DHX8: variants seen among roughly 807,000 people sequenced by gnomAD.
DHX8 encodes the protein DEAH-box helicase 8.
In DHX8, 67 loss-of-function variants were observed where a neutral mutation model predicts 140.7. The ratio of observed to expected loss-of-function variants is 0.48; its 90% confidence interval spans 0.39 to 0.58. The LOEUF (loss-of-function observed/expected upper bound fraction) is 0.58, where lower values mean the gene tolerates loss of function less well. Among genes scored for constraint, DHX8 ranks in the 20% least tolerant of loss-of-function variants. The pLI is 0.00. For missense variants in DHX8, 887 were observed against 1,550.7 expected (o/e 0.57, Z 7.19); for synonymous variants, 533 against 553.2 (o/e 0.96, Z 0.51).
chr17:43,514,037 T>A (rs1969987668), intron 17 of DHX8, among the ~76,000 whole-genome samples: 1 of 151,314 alleles, frequency 6.6e-6, no homozygotes, highest in Admixed American at 6.6e-5. Flanking sequence ...GAATAGTATT[T>A]CACTATTAAA....
At chr17:43,516,553 G>A (rs1186137820) in intron 17 of DHX8, among the ~76,000 whole-genome samples, 1 of 152,096 alleles carries the variant, frequency 6.6e-6, no homozygotes, top group African/African-American at 2.4e-5. Context: ...AGGCTCAGGT[G>A]ATCGTCCCAT....
intron 11 of DHX8, among the ~76,000 whole-genome samples, chr17:43,501,153 G>A (rs1471675062): frequency 6.6e-6 from 1 of 152,170 alleles, no homozygotes; most frequent in Non-Finnish European, 1.5e-5. Context: ...ATTATGATCA[G>A]TGCCATGTGA....
downstream of DHX8, among the ~76,000 whole-genome samples, chr17:43,530,635 T>TGA (rs1555557340): frequency 0.013 from 1,892 of 149,832 alleles, 27 homozygotes; most frequent in Non-Finnish European, 0.019. Flanking sequence ...TGTGTGTGTG[T>TGA]GACAGAAACA....
Position 43,507,006 on chromosome 17 carries a change from G to A in DHX8, c.1732G>A (p.Val578Ile), listed in dbSNP as rs201103199. Residue 578 changes from valine (V) to isoleucine (I), a missense_variant, in exon 13 of 23, where the codon GTC becomes ATC. Physicochemically the swap from Val to Ile is conservative, Grantham distance 29. Transcript: ENST00000262415. The part of the protein sequence containing the change: ...YKLKEQLVQA[V>I]HDNQILIVIG... ...ATTTATATTCTGTTGCTTTCAGGCC[G>A]TCCATGACAATCAGATCCTGATTGT... The A allele has an allele frequency of 2.6e-4, 407 of 1,580,080 alleles. No homozygotes were observed. Among genetic ancestry groups the A allele is most frequent in the Admixed American group, 1.1e-3 (58 of 54,418 alleles).
chr17:43,520,484 A>T (rs1428814305), intron 19 of DHX8, among the ~76,000 whole-genome samples: 1 of 152,248 alleles, frequency 6.6e-6, no homozygotes, highest in Non-Finnish European at 1.5e-5. Context: ...AGGATGTATT[A>T]CTGAATGTAG....
chr17:43,530,117 G>T, downstream of DHX8: 1 of 1,583,344 alleles, frequency 6.3e-7, no homozygotes, highest in Non-Finnish European at 8.6e-7. Context: ...CCATGGCCCC[G>T]TCACCTGGAG....
intron 3 of DHX8, among the ~76,000 whole-genome samples, chr17:43,543,380 T>A (rs1469842351): frequency 6.6e-6 from 1 of 151,710 alleles, no homozygotes; most frequent in Non-Finnish European, 1.5e-5. Context: ...GGGTGGGACT[T>A]CCAAGGTAGA....
At chr17:43,517,888 C>G (rs188917206) in intron 18 of DHX8, 3 of 152,556 alleles carry the variant, frequency 2.0e-5, no homozygotes, top group Non-Finnish European at 4.4e-5. Flanking sequence ...ACTGATGCTA[C>G]CCTGGAGCCC....
rs957834923 is a variant in DHX8, at chr17:43,541,073, G to A, written c.*21-3089G>A. The stretch of plus-strand genomic sequence containing the variant: ...TTTAACCAGGGACCCCTCCAGGCCC[G>A]GAATCCAGGAGGAGGCTTCCTCCAG... On this transcript the variant is annotated intron_variant, in intron 3 of 3. Transcript: ENST00000589898. Among the ~76,000 whole-genome samples, 19 of 152,196 alleles carry A rather than the reference G, an allele frequency of 1.2e-4. No individual in the cohort carries two copies. In the South Asian group the frequency reaches 2.5e-3, roughly 20 times the overall value.
chr17:43,484,796 C>G (rs763393607), intron 1 of DHX8, among the ~76,000 whole-genome samples: 27 of 151,976 alleles, frequency 1.8e-4, no homozygotes, highest in Non-Finnish European at 3.2e-4. Context: ...CGGGCGCCAC[C>G]AAGCTCGACT....
intron 3 of DHX8, among the ~76,000 whole-genome samples, chr17:43,542,018 C>G (rs952674521): frequency 2.0e-5 from 3 of 152,166 alleles, no homozygotes; most frequent in Non-Finnish European, 4.4e-5. Context: ...CAAGACAGCA[C>G]AGGGTGAAAT....
At chr17:43,492,040 C>T in intron 4 of DHX8, 143 bp from the exon 5 acceptor site, 1 of 628,960 alleles carries the variant, frequency 1.6e-6, no homozygotes, top group Non-Finnish European at 2.9e-6. Flanking sequence ...ATTTCTTCTG[C>T]ATCTATCCTG....
downstream of DHX8, chr17:43,530,108 C>G (rs763506155): frequency 3.1e-5 from 49 of 1,591,742 alleles, no homozygotes; most frequent in Non-Finnish European, 4.1e-5. Flanking sequence ...CTGCCTTACC[C>G]ATGGCCCCGT....
At chr17:43,535,828 G>A (rs1971212039) in intron 2 of DHX8, among the ~76,000 whole-genome samples, 1 of 152,192 alleles carries the variant, frequency 6.6e-6, no homozygotes, top group African/African-American at 2.4e-5. Flanking sequence ...TACTAGAACT[G>A]GGGGCGGGCG....
intron 9 of DHX8, among the ~76,000 whole-genome samples, chr17:43,497,276 CACTT>C (rs1214671316): frequency 7.3e-6 from 1 of 137,624 alleles, no homozygotes; most frequent in Non-Finnish European, 1.6e-5. Context: ...GTATTTCACT[CACTT>C]TTATTGCTAT....
At chr17:43,532,816 C>T (rs1176777776) in intron 2 of DHX8, 2 of 1,613,916 alleles carry the variant, frequency 1.2e-6, no homozygotes, top group East Asian at 2.2e-5. Context: ...GCTTAAAGCT[C>T]TGCTGGGGAT....
intron 3 of DHX8, among the ~76,000 whole-genome samples, chr17:43,543,344 G>A (rs1258527208): frequency 6.7e-6 from 1 of 149,986 alleles, no homozygotes; most frequent in African/African-American, 2.5e-5. Context: ...ACAGACATTT[G>A]TACCCTCTCC....
At chr17:43,490,890 A>T (rs947795988) in intron 3 of DHX8, among the ~76,000 whole-genome samples, 5 of 152,070 alleles carry the variant, frequency 3.3e-5, no homozygotes, top group African/African-American at 9.7e-5. Context: ...GGGAAAAAAA[A>T]TTTCAAACGA....
At chr17:43,525,941 C>T (rs750224558), downstream of DHX8, 6 of 985,432 alleles carry the variant, frequency 6.1e-6, no homozygotes, top group Non-Finnish European at 7.2e-6. Context: ...GGATAAGAGA[C>T]AGCAGGGTTC....
Sources: allele counts gnomAD v4.1 joint callset (sites outside exome capture counted in the v4.1 genomes callset), GRCh38; gene constraint gnomAD v4.1.1; transcripts MANE v1.5; gene names NCBI Gene and HGNC (gene_info 2026-07-23, HGNC 2026-07-21).